The following PLCB4 variants were observed in gnomAD, a reference collection of about 807,000 sequenced individuals.
PLCB4 encodes phospholipase C beta 4, also known as 1-phosphatidylinositol 4,5-bisphosphate phosphodiesterase beta-4.
PLCB4 carries 77 observed loss-of-function variants against 178.8 expected under a neutral mutation model. The ratio of observed to expected loss-of-function variants is 0.43; its 90% CI spans 0.36 to 0.52. The LOEUF is 0.52. Ranked by LOEUF, PLCB4 falls within the 20% of genes least tolerant of loss-of-function variation. The pLI is 0.00. For missense variants in PLCB4, 1,024 were observed against 1,453.4 expected (o/e 0.70, Z 4.80); for synonymous variants, 496 against 490.8 (o/e 1.01, Z -0.14).
At chr20:9,073,417 C>T (rs1413769779) in intron 1 of PLCB4, among the ~76,000 whole-genome samples, 1 of 152,060 alleles carries the variant, frequency 6.6e-6, no homozygotes, top group African/African-American at 2.4e-5. Context: ...CACTTACTTC[C>T]AAGTGACAAT....
chr20:9,245,133 A>G (rs942795129), intron 3 of PLCB4, among the ~76,000 whole-genome samples: 2 of 152,166 alleles, frequency 1.3e-5, no homozygotes, highest in African/African-American at 2.4e-5. Context: ...GCAGGAGTTC[A>G]GGAGTTCAAG....
intron 32 of PLCB4, among the ~76,000 whole-genome samples, chr20:9,449,663 A>C (rs930165582): frequency 1.6e-4 from 25 of 152,254 alleles, no homozygotes; most frequent in African/African-American, 5.8e-4. Context: ...TCCTTAGGCC[A>C]CCAGTTTGCA....
intron 8 of PLCB4, among the ~76,000 whole-genome samples, chr20:9,364,730 G>T (rs535915623): frequency 6.6e-6 from 1 of 152,192 alleles, no homozygotes; most frequent in Admixed American, 6.5e-5. Context: ...AAATCATCAT[G>T]TTCTGCAAAT....
intron 3 of PLCB4, among the ~76,000 whole-genome samples, chr20:9,247,273 G>A (rs990573577): frequency 1.3e-5 from 2 of 152,144 alleles, no homozygotes; most frequent in African/African-American, 2.4e-5. Flanking sequence ...TCTGTAGACC[G>A]CAGGTTGAGC....
intron 21 of PLCB4, among the ~76,000 whole-genome samples, chr20:9,407,581 A>G (rs59270389): frequency 0.04 from 6,160 of 152,154 alleles, 425 homozygotes; most frequent in African/African-American, 0.14. Flanking sequence ...ATGTTCGCCA[A>G]GTTTGTCTTG....
chr20:9,442,903 A>G (rs1390901104), intron 30 of PLCB4, among the ~76,000 whole-genome samples: 3 of 152,196 alleles, frequency 2.0e-5, no homozygotes, highest in Non-Finnish European at 4.4e-5. Context: ...AAAGGGAAAA[A>G]CAAGAGCCTG....
chr20:9,321,791 G>A (rs1461510664), intron 4 of PLCB4, among the ~76,000 whole-genome samples: 1 of 151,626 alleles, frequency 6.6e-6, no homozygotes, highest in Non-Finnish European at 1.5e-5. Context: ...GCACCACCAT[G>A]CCCAGCTAAT....
intron 4 of PLCB4, among the ~76,000 whole-genome samples, chr20:9,321,538 C>A (rs570782039): frequency 6.6e-6 from 1 of 152,100 alleles, no homozygotes; most frequent in Non-Finnish European, 1.5e-5. Flanking sequence ...TAGTCTAGTT[C>A]TCTTAGGGAA....
chr20:9,338,434 C>G (rs1385656640), intron 6 of PLCB4, among the ~76,000 whole-genome samples: 2 of 152,098 alleles, frequency 1.3e-5, no homozygotes, highest in Non-Finnish European at 2.9e-5. Context: ...CCTCCCAGCA[C>G]TGTGGGAGGC....
chr20:9,143,610 C>T (rs545524458), intron 2 of PLCB4, among the ~76,000 whole-genome samples: 84 of 152,178 alleles, frequency 5.5e-4, no homozygotes, highest in African/African-American at 1.8e-3. Context: ...CCTCCACTTT[C>T]GACTTCAGAA....
In PLCB4 at chr20:9,190,588, T is replaced by C. The variant is rs539684821; in HGVS notation, c.-78-26802T>C. Reference sequence around the variant, plus strand: ...TAATAGAGCTGGGGTTGGTCAGGAGTGAATCAGATTTTGGATATTTGGAAT... The same window carrying C: ...TAATAGAGCTGGGGTTGGTCAGGAGCGAATCAGATTTTGGATATTTGGAAT... On this transcript the variant is annotated intron_variant, in intron 2 of 39. Transcript: ENST00000378473. Among the ~76,000 whole-genome samples, 13 of 152,004 alleles carry C rather than the reference T, an allele frequency of 8.6e-5. No homozygotes were observed. The East Asian group carries it at 1.2e-3, about 14-fold the overall frequency.
intron 21 of PLCB4, among the ~76,000 whole-genome samples, chr20:9,407,472 C>T (rs752090675): frequency 2.0e-5 from 3 of 151,212 alleles, no homozygotes; most frequent in South Asian, 2.1e-4. Context: ...TGGGTTCAAG[C>T]GATTCTCCTG....
In PLCB4 at chr20:9,122,839, C is replaced by T. The variant is rs371296586; in HGVS notation, c.-79+26497C>T. 1.6e-4 allele frequency among the ~76,000 whole-genome samples: 24 copies of T among 152,154 alleles called. No individual in the cohort carries two copies. In the East Asian group the frequency reaches 2.9e-3, roughly 18 times the overall value. Reference sequence around the variant, plus strand: ...AAGTGTAGTTAAAGGGACCATTGGGCTTGCAGTTTAAAAGCCAACATTTAT... The same window carrying T: ...AAGTGTAGTTAAAGGGACCATTGGGTTTGCAGTTTAAAAGCCAACATTTAT... On this transcript the variant is annotated intron_variant, in intron 2 of 39. Transcript: ENST00000378473.
intron 28 of PLCB4, among the ~76,000 whole-genome samples, chr20:9,431,508 C>A (rs2041393976): frequency 6.6e-6 from 1 of 151,924 alleles, no homozygotes; most frequent in African/African-American, 2.4e-5. Context: ...CTCTGTCGCC[C>A]AGGCTGCAGT....
At chr20:9,314,155 A>G (rs2094870969) in intron 4 of PLCB4, among the ~76,000 whole-genome samples, 1 of 152,300 alleles carries the variant, frequency 6.6e-6, no homozygotes, top group South Asian at 2.1e-4. Flanking sequence ...ACAGGGGTGA[A>G]GGCACAGAGA....
At chr20:9,179,411 A>G (rs1175518688) in intron 2 of PLCB4, among the ~76,000 whole-genome samples, 5 of 152,268 alleles carry the variant, frequency 3.3e-5, no homozygotes, top group Non-Finnish European at 5.9e-5. Flanking sequence ...GGTGGCTTCT[A>G]GAAGCTTGAA....
At chr20:9,366,074 G>A (rs1001152735) in intron 9 of PLCB4, among the ~76,000 whole-genome samples, 1 of 152,032 alleles carries the variant, frequency 6.6e-6, no homozygotes, top group Non-Finnish European at 1.5e-5. Flanking sequence ...TTGCCCTGAT[G>A]CAGGTAACAA....
intron 25 of PLCB4, among the ~76,000 whole-genome samples, chr20:9,413,750 ACTCT>A (rs2040040137): frequency 1.3e-5 from 2 of 150,122 alleles, no homozygotes; most frequent in African/African-American, 4.9e-5. Flanking sequence ...GCAGTGTCTC[ACTCT>A]CTCCACCGTT....
At chr20:9,246,671 C>G (rs1423575947) in intron 3 of PLCB4, among the ~76,000 whole-genome samples, 2 of 151,864 alleles carry the variant, frequency 1.3e-5, no homozygotes, top group African/African-American at 4.8e-5. Context: ...GGTCACTCTG[C>G]TATCTGCTGC....
Sources: allele counts gnomAD v4.1 joint callset (sites outside exome capture counted in the v4.1 genomes callset), GRCh38; gene constraint gnomAD v4.1.1; transcripts MANE v1.5; gene names NCBI Gene and HGNC (gene_info 2026-07-23, HGNC 2026-07-21).